The following HPS3 variants were observed in gnomAD, a reference collection of about 807,000 sequenced individuals.
The protein encoded by HPS3 is BLOC-2 complex member HPS3.
A neutral mutation model predicts 110.9 loss-of-function variants in HPS3; 79 were observed. That is an observed-to-expected ratio of 0.71 (90% CI 0.59 to 0.86). The LOEUF is 0.86. Ranked by LOEUF, HPS3 falls within the 40% of genes least tolerant of loss-of-function variation. The pLI, the probability that HPS3 is intolerant of heterozygous loss-of-function variation, is 0.00. For missense variants in HPS3, 1,197 were observed against 1,206.2 expected (o/e 0.99, Z 0.11); for synonymous variants, 428 against 451.0 (o/e 0.95, Z 0.65).
chr3:149,151,202 TA>T (rs199941948), intron 6 of HPS3, among the ~76,000 whole-genome samples: 19 of 145,378 alleles, frequency 1.3e-4, no homozygotes, highest in African/African-American at 2.6e-4. Context: ...TTATTATTAT[TA>T]TTTTTTTTTC....
At chr3:149,148,433 C>T (rs1440327568) in intron 5 of HPS3, among the ~76,000 whole-genome samples, 16 of 117,864 alleles carry the variant, frequency 1.4e-4, no homozygotes, top group African/African-American at 4.4e-4. Flanking sequence ...GATGGAGTGT[C>T]GCTCTGTCGC....
chr3:149,142,094 C>T (rs1722514365), intron 4 of HPS3, among the ~76,000 whole-genome samples: 1 of 152,132 alleles, frequency 6.6e-6, no homozygotes, highest in South Asian at 2.1e-4. Context: ...ATTGATCCGC[C>T]CACCTCGGCC....
At chr3:149,132,824 C>T (rs572209523) in intron 1 of HPS3, among the ~76,000 whole-genome samples, 2 of 152,274 alleles carry the variant, frequency 1.3e-5, no homozygotes, top group South Asian at 4.1e-4. Context: ...GGAAGGAGAT[C>T]AGATACCAAC....
intron 13 of HPS3, 82 bp downstream of exon 13, chr3:149,162,960 T>G: frequency 8.5e-7 from 1 of 1,180,024 alleles, no homozygotes; most frequent in Non-Finnish European, 1.3e-6. Context: ...TAACTTATTA[T>G]AAAATCTAAC....
Position 149,140,443 on chromosome 3 carries a change from G to A in HPS3, c.657G>A (p.Glu219=). ...TGGAGTCAGGCCCTAAAAATGGAGA[G>A]AGAGTTCACCACCATCCACATAAGA... ...VKLESGPKNG[E]RVHHHPHKTN... The change falls in exon 2 of 17, where the codon GAG becomes GAA. Residue 219 remains glutamate (E), a synonymous_variant. Transcript: ENST00000296051. 1 of 1,613,072 alleles carries A rather than the reference G, an allele frequency of 6.2e-7. No homozygotes were observed. The highest frequency in any genetic ancestry group is 1.1e-5 in the South Asian group (1 of 90,682).
intron 14 of HPS3, chr3:149,166,010 G>A (rs1362093531): frequency 2.2e-6 from 1 of 456,156 alleles, no homozygotes; most frequent in African/African-American, 2.0e-5. Context: ...CTGTGATTGG[G>A]TAGATCACAT....
intron 5 of HPS3, among the ~76,000 whole-genome samples, chr3:149,148,804 A>G (rs1350913819): frequency 6.6e-6 from 1 of 151,944 alleles, no homozygotes; most frequent in Non-Finnish European, 1.5e-5. Context: ...GCAACTTGCT[A>G]TTTTACATAG....
At chr3:149,150,560 G>C (rs1490359281) in intron 5 of HPS3, 39 bp from the exon 6 acceptor site, 15 of 1,553,208 alleles carry the variant, frequency 9.7e-6, no homozygotes, top group African/African-American at 2.7e-5. Flanking sequence ...GTTGGTTCTT[G>C]GCCTCACTTT....
rs1723368775 is a variant in HPS3, at chr3:149,155,170, G to C, written c.1464G>C (p.Leu488Phe). 1.2e-6 allele frequency: 2 copies of C among 1,608,032 alleles called. No homozygotes were observed. Among genetic ancestry groups the C allele is most frequent in the Non-Finnish European group, 1.7e-6 (2 of 1,174,476 alleles). Residue 488 changes from leucine to phenylalanine, a missense_variant, in exon 8 of 17, where the codon TTG becomes TTC. Transcript: ENST00000296051. ...CTGTAGCTGAGGCTGGGTGGAATTT[G>C]TATATTGTGAATACGATCTCACCAG... ...IPPVAEAGWN[L>F]YIVNTISPVQ...
At chr3:149,133,438 A>G (rs1312643748) in intron 1 of HPS3, among the ~76,000 whole-genome samples, 8 of 152,082 alleles carry the variant, frequency 5.3e-5, no homozygotes, top group African/African-American at 1.9e-4. Flanking sequence ...AGCTGGGGTT[A>G]CAGGCATGCG....
rs1318001256 is a variant in HPS3 at position 149,172,522 on chromosome 3, T to C, written c.*300T>C. ...CATTTTTTAAGGTGGGGATTGACTT[T>C]TATTCCAAGGAACAACATCAGTTCA... On this transcript the variant is annotated 3_prime_UTR_variant, in exon 17 of 17. Coordinates refer to ENST00000296051, the MANE Select transcript of HPS3 (RefSeq NM_032383.5). 3.6e-6 allele frequency: 1 copy of C among 276,356 alleles called. No homozygotes were observed. Among genetic ancestry groups the C allele is most frequent in the Non-Finnish European group, 7.1e-6 (1 of 140,692 alleles). The allele number at this position is 276,356 out of a possible 1,614,324, so 17.1% of individuals were successfully genotyped here. A position where few individuals can be genotyped will look rare whatever the true frequency, so the allele number is the denominator to read the frequency against.
intron 4 of HPS3, among the ~76,000 whole-genome samples, chr3:149,141,837 T>C (rs1034281627): frequency 1.4e-5 from 2 of 145,704 alleles, no homozygotes; most frequent in Non-Finnish European, 3.0e-5. Flanking sequence ...ACCCGACCTC[T>C]ATTTTATTAT....
intron 9 of HPS3, 48 bp downstream of exon 9, chr3:149,157,579 T>G (rs1198884691): frequency 1.3e-6 from 2 of 1,552,686 alleles, no homozygotes; most frequent in African/African-American, 2.7e-5. Context: ...TCTTGAACTT[T>G]GGGTACACTT....
chr3:149,158,966 C>T (rs1173724337), intron 10 of HPS3, 120 bp downstream of exon 10: 8 of 701,198 alleles, frequency 1.1e-5, no homozygotes, highest in Non-Finnish European at 1.9e-5. Flanking sequence ...TACTCTTTTT[C>T]TAAAAAAGTA....
chr3:149,156,316 T>G (rs1723454836), intron 8 of HPS3, among the ~76,000 whole-genome samples: 1 of 152,198 alleles, frequency 6.6e-6, no homozygotes, highest in South Asian at 2.1e-4. Flanking sequence ...AATTTAACAT[T>G]GACACAGTGC....
At position 149,141,457 on chromosome 3, in the gene HPS3, G is replaced by T. The variant is rs1251133963; in HGVS notation, c.970+77G>T. 3 of 1,151,776 alleles carry T rather than the reference G, an allele frequency of 2.6e-6. No individual in the cohort carries two copies. In the African/African-American group the frequency reaches 4.6e-5, roughly 18 times the overall value. The allele number at this position is 1,151,776 out of a possible 1,614,324, so 71.3% of individuals were successfully genotyped here. A position where few individuals can be genotyped will look rare whatever the true frequency, so the allele number is the denominator to read the frequency against. ...GTCTGGGCTGGGAGTGAAGACCCAT[G>T]TGGGTAATAGGTTTGGTGGTTTGGT... On this transcript the variant is annotated intron_variant, in intron 4 of 16. Coordinates refer to ENST00000296051, the MANE Select transcript of HPS3 (RefSeq NM_032383.5).
intron 14 of HPS3, among the ~76,000 whole-genome samples, chr3:149,164,158 GTTTTGTTGT>G: frequency 6.6e-6 from 1 of 152,270 alleles, no homozygotes; most frequent in East Asian, 1.9e-4. Flanking sequence ...TGAGCGGCTG[GTTTTGTTGT>G]AGGTGGATGA....
intron 4 of HPS3, among the ~76,000 whole-genome samples, chr3:149,144,718 G>C: frequency 6.6e-6 from 1 of 152,136 alleles, no homozygotes; most frequent in Admixed American, 6.5e-5. Context: ...GGAAATCTAT[G>C]CTGTTTAGTA....
chr3:149,168,219 A>G, intron 16 of HPS3: 1 of 472,426 alleles, frequency 2.1e-6, no homozygotes, highest in East Asian at 3.9e-5. Context: ...TTAACAAATT[A>G]TCACAGTCAT....
Sources: allele counts gnomAD v4.1 joint callset (sites outside exome capture counted in the v4.1 genomes callset), GRCh38; gene constraint gnomAD v4.1.1; transcripts MANE v1.5; gene names NCBI Gene and HGNC (gene_info 2026-07-23, HGNC 2026-07-21).